Variants in PTPRD observed in about 807,000 individuals in gnomAD.
PTPRD encodes the protein receptor-type tyrosine-protein phosphatase delta.
A neutral mutation model predicts 214.5 loss-of-function variants in PTPRD; 34 were observed. The observed-to-expected ratio is 0.16, with a 90% confidence interval of 0.12 to 0.21. The LOEUF (loss-of-function observed/expected upper bound fraction) is 0.21. PTPRD is among the 10% of genes least tolerant of loss of function. PTPRD has a pLI of 1.00. For missense variants in PTPRD, 2,545 were observed against 2,398.7 expected (o/e 1.06, Z -1.27); for synonymous variants, 1,128 against 845.7 (o/e 1.33, Z -5.79).
rs1439996882 is a variant in PTPRD at position 8,314,617 on chromosome 9, A to G, written c.*3257T>C. 1 of 231,950 alleles carries G rather than the reference A, an allele frequency of 4.3e-6. No individual in the cohort carries two copies. The highest frequency in any genetic ancestry group is 2.2e-5 in the African/African-American group (1 of 45,240). 14.4% of individuals were successfully genotyped at this position (231,950 alleles called of 1,614,324 possible). On this transcript the variant is annotated 3_prime_UTR_variant, in exon 46 of 46. Transcript: ENST00000381196. Reference sequence around the variant, plus strand: ...GGAGTATCAGGGCACCCATAAACCCAAAAGGAACCAAAACCCAAAAAGAAA... The same window carrying G: ...GGAGTATCAGGGCACCCATAAACCCGAAAGGAACCAAAACCCAAAAAGAAA...
intron 37 of PTPRD, among the ~76,000 whole-genome samples, chr9:8,381,169 C>T (rs2084956184): frequency 6.6e-6 from 1 of 152,110 alleles, no homozygotes; most frequent in Non-Finnish European, 1.5e-5. Flanking sequence ...GCATTAGTAT[C>T]CTGTAAGGAA....
intron 7 of PTPRD, among the ~76,000 whole-genome samples, chr9:9,586,254 C>G (rs1258835501): frequency 6.6e-6 from 1 of 151,994 alleles, no homozygotes; most frequent in Admixed American, 6.6e-5. Context: ...CTGTAGACCT[C>G]ATTATTTGGT....
chr9:8,646,313 A>G (rs1024301538), intron 12 of PTPRD, among the ~76,000 whole-genome samples: 2 of 152,000 alleles, frequency 1.3e-5, no homozygotes, highest in African/African-American at 2.4e-5. Flanking sequence ...TCGTTCTTTG[A>G]GTTTTGTTTT....
intron 3 of PTPRD, among the ~76,000 whole-genome samples, chr9:10,329,484 T>C (rs2096709793): frequency 6.6e-6 from 1 of 151,880 alleles, no homozygotes; most frequent in South Asian, 2.1e-4. Context: ...AATCATGAAG[T>C]CTGTTCATGA....
intron 8 of PTPRD, among the ~76,000 whole-genome samples, chr9:9,511,208 G>T (rs1054557615): frequency 3.3e-5 from 5 of 151,686 alleles, no homozygotes; most frequent in African/African-American, 1.2e-4. Context: ...TTATGACTAT[G>T]TAGTAAATGG....
intron 11 of PTPRD, among the ~76,000 whole-genome samples, chr9:8,746,005 C>A (rs542635548): frequency 7.9e-5 from 12 of 152,286 alleles, no homozygotes; most frequent in Non-Finnish European, 1.3e-4. Context: ...GTTGCCCAGA[C>A]TGGTCTTGAA....
chr9:10,234,110 C>G (rs1165537202), intron 3 of PTPRD, among the ~76,000 whole-genome samples: 1 of 151,588 alleles, frequency 6.6e-6, no homozygotes, highest in Non-Finnish European at 1.5e-5. Flanking sequence ...AAAAATTAGC[C>G]AAGCATGATG....
At chr9:9,237,492 C>T (rs1224406313) in intron 9 of PTPRD, among the ~76,000 whole-genome samples, 3 of 152,074 alleles carry the variant, frequency 2.0e-5, no homozygotes, top group South Asian at 2.1e-4. Flanking sequence ...TTTAAAAAAC[C>T]GACATGTGCC....
At chr9:9,945,693 G>C (rs768234381) in intron 4 of PTPRD, among the ~76,000 whole-genome samples, 1 of 151,974 alleles carries the variant, frequency 6.6e-6, no homozygotes, top group African/African-American at 2.4e-5. Context: ...TAAGAGGGGA[G>C]AAATTAGAGT....
intron 8 of PTPRD, among the ~76,000 whole-genome samples, chr9:9,410,559 C>G (rs1047323664): frequency 6.6e-6 from 1 of 152,000 alleles, no homozygotes; most frequent in African/African-American, 2.4e-5. Flanking sequence ...ACCAGAGTAG[C>G]CAGAACCCGA....
At chr9:9,019,068 TA>T (rs1447173491) in intron 10 of PTPRD, among the ~76,000 whole-genome samples, 2 of 152,052 alleles carry the variant, frequency 1.3e-5, no homozygotes, top group South Asian at 2.1e-4. Flanking sequence ...TATCATTCAA[TA>T]AAAACAAACT....
At chr9:8,908,438 A>C (rs1307386390) in intron 11 of PTPRD, among the ~76,000 whole-genome samples, 2 of 152,192 alleles carry the variant, frequency 1.3e-5, no homozygotes, top group Non-Finnish European at 2.9e-5. Context: ...AACAACAGAA[A>C]AAAATTGGGA....
At chr9:8,524,899 C>T (rs753145166) in intron 18 of PTPRD, 26 bp downstream of exon 18, 26 of 1,589,806 alleles carry the variant, frequency 1.6e-5, no homozygotes, top group South Asian at 5.5e-5. Flanking sequence ...AATGAAGAAG[C>T]GATGCCAGGG....
intron 3 of PTPRD, among the ~76,000 whole-genome samples, chr9:10,213,986 T>C (rs1476093824): frequency 1.3e-5 from 2 of 152,098 alleles, no homozygotes; most frequent in African/African-American, 4.8e-5. Flanking sequence ...CCTATTTCAA[T>C]CCCTTTAACC....
At chr9:10,320,888 C>A (rs191708796) in intron 3 of PTPRD, among the ~76,000 whole-genome samples, 18 of 151,940 alleles carry the variant, frequency 1.2e-4, no homozygotes, top group Admixed American at 2.0e-4. Flanking sequence ...CAACAATGCC[C>A]AGTAAATTTT....
At chr9:9,642,069 G>A (rs1165327964) in intron 7 of PTPRD, among the ~76,000 whole-genome samples, 2 of 148,986 alleles carry the variant, frequency 1.3e-5, no homozygotes, top group African/African-American at 2.5e-5. Context: ...TATACACCAT[G>A]GAATACTATG....
chr9:10,300,469 T>C (rs2154406442), intron 3 of PTPRD, among the ~76,000 whole-genome samples: 1 of 152,290 alleles, frequency 6.6e-6, no homozygotes, highest in South Asian at 2.1e-4. Context: ...TCTGGCTCTG[T>C]GGGTCCCCCC....
chr9:9,578,120 C>A (rs1693121891), intron 7 of PTPRD, among the ~76,000 whole-genome samples: 1 of 147,326 alleles, frequency 6.8e-6, no homozygotes. Flanking sequence ...TGAGGAACAA[C>A]CATTCAGAAA....
chr9:9,006,032 A>G (rs1261939245), intron 11 of PTPRD, among the ~76,000 whole-genome samples: 1 of 152,022 alleles, frequency 6.6e-6, no homozygotes, highest in Admixed American at 6.6e-5. Flanking sequence ...TCATAAATTA[A>G]ATAATTTTGA....
Sources: allele counts gnomAD v4.1 joint callset (sites outside exome capture counted in the v4.1 genomes callset), GRCh38; gene constraint gnomAD v4.1.1; transcripts MANE v1.5; gene names NCBI Gene and HGNC (gene_info 2026-07-23, HGNC 2026-07-21).